PRDM16: variants seen among roughly 807,000 people sequenced by gnomAD.
PRDM16 encodes histone-lysine N-methyltransferase PRDM16.
A neutral mutation model predicts 110.6 loss-of-function variants in PRDM16; 23 were observed. That is an observed-to-expected ratio of 0.21 (90% CI 0.15 to 0.29). PRDM16 has a LOEUF of 0.29. Among genes scored for constraint, PRDM16 ranks in the 10% least tolerant of loss-of-function variants. The probability of loss-of-function intolerance (pLI) is 1.00; values close to 1 mark genes in which losing one functional copy is unlikely to be tolerated. For missense variants in PRDM16, 1,615 were observed against 1,794.3 expected, an observed-to-expected ratio of 0.90 and a Z score of 1.81; for synonymous variants, 799 against 781.8, an observed-to-expected ratio of 1.02 and a Z score of -0.37.
At chr1:3,142,623 A>G (rs1214097624) in intron 1 of PRDM16, among the ~76,000 whole-genome samples, 1 of 152,152 alleles carries the variant, frequency 6.6e-6, no homozygotes, top group Non-Finnish European at 1.5e-5. Context: ...ACTGCCGTGT[A>G]TGTTCCCAGT....
At chr1:3,360,242 C>T (rs1342238920) in intron 3 of PRDM16, among the ~76,000 whole-genome samples, 1 of 152,220 alleles carries the variant, frequency 6.6e-6, no homozygotes, top group Admixed American at 6.5e-5. Flanking sequence ...CCAGAGCGAC[C>T]AGTCCCCTCT....
At position 3,265,096 on chromosome 1, in the gene PRDM16, G is replaced by T. The variant is rs1032874811; in HGVS notation, c.438+20959G>T. Among the ~76,000 whole-genome samples, 8 of 152,106 alleles carry T rather than the reference G, an allele frequency of 5.3e-5. No individual in the cohort carries two copies. Among genetic ancestry groups the T allele is most frequent in the African/African-American group, 1.9e-4 (8 of 41,412 alleles). Reference sequence around the variant, plus strand: ...CCCAGGAGGGAGGGGAGACCAGCAGGGAGGCGGGAGGCAGCCCTGGAATCC... The same window carrying T: ...CCCAGGAGGGAGGGGAGACCAGCAGTGAGGCGGGAGGCAGCCCTGGAATCC... On this transcript the variant is annotated intron_variant, in intron 3 of 16. Coordinates refer to ENST00000270722, the MANE Select transcript of PRDM16 (RefSeq NM_022114.4). This position sits in a 1 kb window ranked among gnomAD's most constrained non-coding sequence, Gnocchi z 4.5.
intron 1 of PRDM16, among the ~76,000 whole-genome samples, chr1:3,136,972 C>G (rs1314186963): frequency 6.6e-6 from 1 of 152,174 alleles, no homozygotes; most frequent in Non-Finnish European, 1.5e-5. Flanking sequence ...GAGGCTGGTG[C>G]AGGGAGAGGG....
intron 3 of PRDM16, among the ~76,000 whole-genome samples, chr1:3,331,761 G>A (rs1454669170): frequency 1.3e-5 from 2 of 152,182 alleles, no homozygotes; most frequent in Admixed American, 6.5e-5. Context: ...TGGGCTCACC[G>A]TGGCTCTGCT....
At chr1:3,324,208 G>A (rs1453264203) in intron 3 of PRDM16, among the ~76,000 whole-genome samples, 2 of 152,086 alleles carry the variant, frequency 1.3e-5, no homozygotes, top group African/African-American at 4.8e-5. Context: ...CAAAGTGGGT[G>A]CGGAGCAGGA....
rs948205550 is a variant in PRDM16, at chr1:3,243,853, C to G, written c.388-234C>G. On this transcript the variant is annotated intron_variant, in intron 2 of 16. Transcript: ENST00000270722. This position sits in a 1 kb window ranked among gnomAD's most constrained non-coding sequence, Gnocchi z 5.5. ...CTCCATCCCTGGAGTGCAGTGTTTC[C>G]AGGGAGGTGAAGTCCCTGGGGGGCG... Among the ~76,000 whole-genome samples the G allele has an allele frequency of 1.3e-5, 2 of 152,080 alleles. No homozygotes were observed. The highest frequency in any genetic ancestry group is 4.8e-5 in the African/African-American group (2 of 41,410).
At chr1:3,079,051 G>A (rs375724352) in intron 1 of PRDM16, among the ~76,000 whole-genome samples, 13 of 152,354 alleles carry the variant, frequency 8.5e-5, no homozygotes, top group African/African-American at 2.4e-4. Context: ...GGTCCTCCCC[G>A]GGCAAACAGG....
At chr1:3,181,880 GCACACGCAGTCTTACACACGGTCTTA>G (rs1644211815) in intron 1 of PRDM16, among the ~76,000 whole-genome samples, 4 of 47,200 alleles carry the variant, frequency 8.5e-5, no homozygotes, top group South Asian at 7.9e-4. Context: ...ACACGGTCTT[GCACACGCAGTCTTACACACGGTCTTA>G]CACACGCAGT....
intron 3 of PRDM16, among the ~76,000 whole-genome samples, chr1:3,253,608 T>C (rs1639988354): frequency 6.6e-6 from 1 of 151,992 alleles, no homozygotes; most frequent in Non-Finnish European, 1.5e-5. Flanking sequence ...CAGTCTATCA[T>C]TGTTGGACAT....
At chr1:3,257,056 T>G (rs956267215) in intron 3 of PRDM16, among the ~76,000 whole-genome samples, 1 of 152,160 alleles carries the variant, frequency 6.6e-6, no homozygotes, top group Non-Finnish European at 1.5e-5. Context: ...GTGTTTTACT[T>G]GTTAATACGT....
intron 3 of PRDM16, among the ~76,000 whole-genome samples, chr1:3,377,416 C>T (rs1300007627): frequency 6.6e-6 from 1 of 152,246 alleles, no homozygotes. Context: ...CCTGGAGGAC[C>T]AGCCCAGAAG....
chr1:3,375,678 C>A (rs1328976472), intron 3 of PRDM16, among the ~76,000 whole-genome samples: 1 of 152,184 alleles, frequency 6.6e-6, no homozygotes, highest in African/African-American at 2.4e-5. Context: ...GCTTGTGTGG[C>A]CCCTGTCCTC....
chr1:3,236,205 G>A (rs1639537973), intron 2 of PRDM16, among the ~76,000 whole-genome samples: 1 of 152,150 alleles, frequency 6.6e-6, no homozygotes, highest in Non-Finnish European at 1.5e-5. Flanking sequence ...TCACAGCCAG[G>A]GCAGGCCAGG....
chr1:3,355,744 G>A (rs1268473994), intron 3 of PRDM16, among the ~76,000 whole-genome samples: 2 of 152,176 alleles, frequency 1.3e-5, no homozygotes, highest in Non-Finnish European at 2.9e-5. Flanking sequence ...CACCCTGAGG[G>A]TCTGAACCGT....
intron 3 of PRDM16, among the ~76,000 whole-genome samples, chr1:3,368,848 C>G (rs147651734): frequency 1.3e-5 from 2 of 152,274 alleles, no homozygotes; most frequent in Admixed American, 6.5e-5. Context: ...ATAGCAATAG[C>G]AAAATCCACA....
chr1:3,154,517 T>C (rs1012150691), intron 1 of PRDM16, among the ~76,000 whole-genome samples: 2 of 152,222 alleles, frequency 1.3e-5, no homozygotes, highest in Non-Finnish European at 2.9e-5. Flanking sequence ...CCTCCAGGAA[T>C]GGCCTTCCTG....
intron 3 of PRDM16, among the ~76,000 whole-genome samples, chr1:3,310,498 G>A (rs1208869449): frequency 6.6e-6 from 1 of 152,196 alleles, no homozygotes; most frequent in African/African-American, 2.4e-5. Flanking sequence ...CCTCGGAGCT[G>A]CTGAGGGGTC....
At chr1:3,308,006 GTTTT>G (rs1011410768) in intron 3 of PRDM16, 3 of 152,186 alleles carry the variant, frequency 2.0e-5, no homozygotes, top group African/African-American at 7.2e-5. Context: ...GGGGACAGGT[GTTTT>G]TTTAGTCCCA....
At chr1:3,392,389 G>A (rs976226878) in intron 4 of PRDM16, among the ~76,000 whole-genome samples, 1 of 152,168 alleles carries the variant, frequency 6.6e-6, no homozygotes, top group African/African-American at 2.4e-5. Context: ...AAGCCCAAAA[G>A]TTCGCTTGAT....
Sources: gnomAD v4.1 joint callset for allele counts (sites outside exome capture counted in the v4.1 genomes callset) on GRCh38, gnomAD v4.1.1 for gene constraint, Gnocchi (gnomAD v3.1) non-coding constraint, MANE v1.5 for transcripts, NCBI Gene and HGNC (gene_info 2026-07-23, HGNC 2026-07-21) for gene names.